UBE4B: variants seen among roughly 807,000 people sequenced by gnomAD.
UBE4B encodes ubiquitination factor E4B, also known as ubiquitin conjugation factor E4 B.
UBE4B carries 27 observed loss-of-function variants against 148.1 expected under a neutral mutation model. The ratio of observed to expected loss-of-function variants is 0.18; its 90% CI spans 0.13 to 0.25. The LOEUF (loss-of-function observed/expected upper bound fraction) is 0.25. Ranked by LOEUF, UBE4B falls within the 10% of genes least tolerant of loss-of-function variation. UBE4B has a pLI of 1.00. For synonymous variants in UBE4B, 596 were observed against 619.3 expected, an observed-to-expected ratio of 0.96 and a Z score of 0.56; for missense variants, 1,170 against 1,662.4, an observed-to-expected ratio of 0.70 and a Z score of 5.15.
At chr1:10,077,675 A>G (rs903539377) in intron 2 of UBE4B, among the ~76,000 whole-genome samples, 1 of 152,222 alleles carries the variant, frequency 6.6e-6, no homozygotes, top group East Asian at 1.9e-4. Context: ...GCTGGCTGAC[A>G]TTGTTCCTCT....
intron 1 of UBE4B, among the ~76,000 whole-genome samples, chr1:10,052,629 C>T (rs1275231661): frequency 1.3e-5 from 2 of 152,194 alleles, no homozygotes; most frequent in African/African-American, 2.4e-5. Context: ...TCTGCTGTTG[C>T]TGTCTTGAAA....
At chr1:10,158,211 G>A (rs1646104535) in intron 21 of UBE4B, 145 bp from the exon 22 acceptor site, 1 of 930,362 alleles carries the variant, frequency 1.1e-6, no homozygotes, top group African/African-American at 1.7e-5. Flanking sequence ...TTTCTGTCGT[G>A]CCCTACATGC....
At chr1:10,062,533 G>A (rs1474419497) in intron 1 of UBE4B, among the ~76,000 whole-genome samples, 1 of 136,356 alleles carries the variant, frequency 7.3e-6, no homozygotes, top group East Asian at 2.3e-4. Context: ...GGCTGGTCTC[G>A]AACTCCTGAC....
rs1448684526 is a variant in UBE4B, at chr1:10,080,480, T to C, written c.211+8266T>C. ...ATGTTGGTGAGAGTGTAAATTTATA[T>C]AGCCATTTTACAAAACAATATGGAG... On this transcript the variant is annotated intron_variant, in intron 2 of 27. Transcript: ENST00000343090. Among the ~76,000 whole-genome samples, 3 of 151,552 alleles carry C rather than the reference T, an allele frequency of 2.0e-5. No individual in the cohort carries two copies. The East Asian group carries it at 5.8e-4, about 29-fold the overall frequency.
At chr1:10,155,355 T>C (rs201595565) in intron 21 of UBE4B, among the ~76,000 whole-genome samples, 1 of 152,170 alleles carries the variant, frequency 6.6e-6, no homozygotes, top group East Asian at 1.9e-4. Context: ...CCCACGGCAG[T>C]CCTAAAGATA....
chr1:10,155,064 G>GGAGAGAGAGAGAGA (rs112077178), intron 21 of UBE4B, among the ~76,000 whole-genome samples: 1 of 149,130 alleles, frequency 6.7e-6, no homozygotes, highest in Non-Finnish European at 1.5e-5. Context: ...TGTGGCTTCA[G>GGAGAGAGAGAGAGA]GAGAGAGAGA....
chr1:10,064,173 G>A (rs1472032690), intron 1 of UBE4B, among the ~76,000 whole-genome samples: 2 of 152,004 alleles, frequency 1.3e-5, no homozygotes, highest in Non-Finnish European at 2.9e-5. Context: ...TTTGTTCCTC[G>A]TCTGCCTAAC....
chr1:10,151,281 C>T (rs1422045869), intron 20 of UBE4B, 45 bp from the exon 21 acceptor site: 1 of 1,577,022 alleles, frequency 6.3e-7, no homozygotes, highest in Non-Finnish European at 8.7e-7. Flanking sequence ...AGTTTCTCAG[C>T]AGTTTCTCAG....
chr1:10,046,324 A>T (rs548080315), intron 1 of UBE4B, among the ~76,000 whole-genome samples: 1 of 152,284 alleles, frequency 6.6e-6, no homozygotes, highest in Non-Finnish European at 1.5e-5. Context: ...CCTTCTCCCG[A>T]GGGAGACAAC....
At chr1:10,052,241 AT>A (rs911959557) in intron 1 of UBE4B, among the ~76,000 whole-genome samples, 48 of 145,146 alleles carry the variant, frequency 3.3e-4, no homozygotes, top group African/African-American at 9.5e-4. Context: ...TGATTTTTTA[AT>A]TTTTTTTTTT....
intron 1 of UBE4B, among the ~76,000 whole-genome samples, chr1:10,051,539 C>T (rs972750054): frequency 2.6e-5 from 4 of 152,116 alleles, no homozygotes; most frequent in Non-Finnish European, 5.9e-5. Context: ...ATCCTCTCCC[C>T]CGACCCATTA....
intron 3 of UBE4B, among the ~76,000 whole-genome samples, chr1:10,097,519 T>A (rs1179465622): frequency 6.6e-6 from 1 of 152,080 alleles, no homozygotes; most frequent in East Asian, 1.9e-4. Flanking sequence ...GATATTATTT[T>A]AAAAAATCAG....
At chr1:10,175,424 G>T (rs931721115) in intron 25 of UBE4B, among the ~76,000 whole-genome samples, 13 of 152,014 alleles carry the variant, frequency 8.6e-5, no homozygotes, top group Non-Finnish European at 1.6e-4. Flanking sequence ...GGCCAAGGCG[G>T]GCGGATCACA....
At chr1:10,171,699 G>A (rs972579282) in intron 25 of UBE4B, among the ~76,000 whole-genome samples, 3 of 152,190 alleles carry the variant, frequency 2.0e-5, no homozygotes, top group Non-Finnish European at 2.9e-5. Context: ...GGCTAACATG[G>A]TGAAACCCCA....
rs778486730 is a variant in UBE4B at position 10,171,358 on chromosome 1, A to G, written c.3525+29A>G. 8.7e-6 allele frequency: 14 copies of G among 1,603,404 alleles called. No individual in the cohort carries two copies. In the South Asian group the frequency reaches 1.2e-4, roughly 14 times the overall value. Reference sequence around the variant, plus strand: ...AGTGAGTTGAGTTGGTCTCTCTGTGAGTTTACTGGCAGATTTGGAGATAAT... The same window carrying G: ...AGTGAGTTGAGTTGGTCTCTCTGTGGGTTTACTGGCAGATTTGGAGATAAT... On this transcript the variant is annotated intron_variant, in intron 25 of 27. Coordinates refer to ENST00000343090, the MANE Select transcript of UBE4B (RefSeq NM_001105562.3).
chr1:10,169,348 G>A (rs908803956), intron 24 of UBE4B, among the ~76,000 whole-genome samples: 9 of 152,110 alleles, frequency 5.9e-5, no homozygotes, highest in African/African-American at 2.2e-4. Context: ...TCTTACCTTC[G>A]TTATGTGACT....
chr1:10,159,963 C>T (rs1224546745), intron 22 of UBE4B, among the ~76,000 whole-genome samples: 1 of 152,186 alleles, frequency 6.6e-6, no homozygotes, highest in Non-Finnish European at 1.5e-5. Context: ...CTGATTGGAG[C>T]GCTTGTCCTG....
intron 1 of UBE4B, among the ~76,000 whole-genome samples, chr1:10,052,152 C>T (rs912890788): frequency 2.0e-5 from 3 of 151,800 alleles, no homozygotes; most frequent in Non-Finnish European, 2.9e-5. Context: ...CTGCAACCTC[C>T]GCCTCCTGGG....
At chr1:10,120,794 C>T (rs1041674338) in intron 9 of UBE4B, among the ~76,000 whole-genome samples, 2 of 151,414 alleles carry the variant, frequency 1.3e-5, no homozygotes, top group South Asian at 2.1e-4. Flanking sequence ...GCTGAGATCA[C>T]GCCACTTCAC....
Sources: gnomAD v4.1 joint callset for allele counts (sites outside exome capture counted in the v4.1 genomes callset) on GRCh38, gnomAD v4.1.1 for gene constraint, MANE v1.5 for transcripts, NCBI Gene and HGNC (gene_info 2026-07-23, HGNC 2026-07-21) for gene names.